Variants in YAP1 observed in about 807,000 individuals in gnomAD.
YAP1 encodes transcriptional coactivator YAP1.
In YAP1, 5 loss-of-function variants were observed where a neutral mutation model predicts 56.9. The observed-to-expected ratio is 0.09, with a 90% CI of 0.05 to 0.18. The LOEUF (loss-of-function observed/expected upper bound fraction) is 0.18, where lower values mean the gene tolerates loss of function less well. Among genes scored for constraint, YAP1 ranks in the 10% least tolerant of loss-of-function variants. The pLI is 1.00. For missense variants in YAP1, 539 were observed against 651.8 expected, an observed-to-expected ratio of 0.83 and a Z score of 1.88; for synonymous variants, 265 against 248.1, an observed-to-expected ratio of 1.07 and a Z score of -0.64.
At chr11:102,167,805 A>G (rs928682820) in intron 3 of YAP1, among the ~76,000 whole-genome samples, 3 of 152,214 alleles carry the variant, frequency 2.0e-5, no homozygotes, top group Non-Finnish European at 4.4e-5. Flanking sequence ...TGAGAAGCCA[A>G]GGTGGGAGGA....
At chr11:102,190,199 C>CT (rs1046727709) in intron 4 of YAP1, among the ~76,000 whole-genome samples, 1 of 152,182 alleles carries the variant, frequency 6.6e-6, no homozygotes, top group South Asian at 2.1e-4. Context: ...AGGTTTGAGG[C>CT]TTTTTTTCCC....
intron 4 of YAP1, among the ~76,000 whole-genome samples, chr11:102,199,222 G>A (rs1188747926): frequency 1.3e-5 from 2 of 152,142 alleles, no homozygotes; most frequent in Non-Finnish European, 2.9e-5. Context: ...CAGTATTGAT[G>A]GTACGGATGA....
Position 102,232,182 on chromosome 11 carries a change from G to C in YAP1, c.*2242G>C, listed in dbSNP as rs1950454260. 6.8e-6 allele frequency: 1 copy of C among 148,110 alleles called. No homozygotes were observed. Among genetic ancestry groups the C allele is most frequent in the African/African-American group, 2.5e-5 (1 of 40,140 alleles). 9.2% of individuals were successfully genotyped at this position (148,110 alleles called of 1,614,324 possible). A position where few individuals can be genotyped will look rare whatever the true frequency, so the allele number is the denominator to read the frequency against. On this transcript the variant is annotated 3_prime_UTR_variant, in exon 9 of 9. Coordinates refer to ENST00000282441, the MANE Select transcript of YAP1 (RefSeq NM_001130145.3). ...AATGTGCAGAAGATCAAAGCTACTT[G>C]GAAGGAGTGCCTATAATTTGCCAGT...
chr11:102,134,324 A>C (rs1408918679), intron 2 of YAP1, among the ~76,000 whole-genome samples: 1 of 152,080 alleles, frequency 6.6e-6, no homozygotes, highest in East Asian at 1.9e-4. Flanking sequence ...ATTTAGAAAT[A>C]TCAGGATGCT....
intron 2 of YAP1, among the ~76,000 whole-genome samples, chr11:102,154,824 A>G (rs1945850839): frequency 6.6e-6 from 1 of 152,222 alleles, no homozygotes; most frequent in Non-Finnish European, 1.5e-5. Context: ...GAAAACTTGA[A>G]TGTTGCCATA....
intron 3 of YAP1, among the ~76,000 whole-genome samples, chr11:102,183,574 C>A (rs1340358618): frequency 1.3e-5 from 2 of 151,848 alleles, no homozygotes; most frequent in African/African-American, 4.8e-5. Flanking sequence ...TGTGGCAGAC[C>A]CATCGGAGAG....
chr11:102,157,098 C>A (rs1945999526), intron 2 of YAP1, among the ~76,000 whole-genome samples: 1 of 152,164 alleles, frequency 6.6e-6, no homozygotes, highest in African/African-American at 2.4e-5. Context: ...TCATTAACAG[C>A]CTTCAGTGAT....
intron 2 of YAP1, among the ~76,000 whole-genome samples, chr11:102,143,696 A>G (rs994520979): frequency 4.6e-5 from 7 of 152,256 alleles, no homozygotes; most frequent in African/African-American, 1.7e-4. Flanking sequence ...GGAAGGCTAC[A>G]TAGCCATCTT....
rs1447148936 is a variant in YAP1 at position 102,206,026 on chromosome 11, G to A, written c.936G>A (p.Gln312=). 11 of 1,613,948 alleles carry A rather than the reference G, an allele frequency of 6.8e-6. No homozygotes were observed. The highest frequency in any genetic ancestry group is 2.7e-5 in the African/African-American group (2 of 74,944). ...AACAGATGCGACTGCAGCAACTGCA[G>A]ATGGAGAAGGAGAGGCTGCGGCTGA... is the stretch of plus-strand genomic sequence containing the variant. The part of the protein sequence containing the change: ...QQQQMRLQQL[Q]MEKERLRLKQ... The change falls in exon 5 of 9, where the codon CAG becomes CAA. Residue 312 remains glutamine (Q), a synonymous_variant. Transcript: ENST00000282441.
chr11:102,182,196 A>G (rs1220253233), intron 3 of YAP1, among the ~76,000 whole-genome samples: 4 of 152,334 alleles, frequency 2.6e-5, no homozygotes, highest in Non-Finnish European at 4.4e-5. Flanking sequence ...TGCTGAATCA[A>G]AAAGTATAGG....
At position 102,164,508 on chromosome 11, in the gene YAP1, C is replaced by G. The variant is rs151261893; in HGVS notation, c.688+1937C>G. ...TTGTCATGCTCCATCTAAAAATTAT[C>G]TCGGCAGTTAATGACAGATAACATT... is the stretch of plus-strand genomic sequence containing the variant. On this transcript the variant is annotated intron_variant, in intron 3 of 8. Coordinates refer to ENST00000282441, the MANE Select transcript of YAP1 (RefSeq NM_001130145.3). 8.0e-3 allele frequency among the ~76,000 whole-genome samples: 1,212 copies of G among 152,262 alleles called. 19 individuals are homozygous for G. Among genetic ancestry groups the G allele is most frequent in the African/African-American group, 0.028 (1,166 of 41,550 alleles).
At chr11:102,114,443 T>A in intron 2 of YAP1, 49 bp downstream of exon 2, 9 of 1,585,424 alleles carry the variant, frequency 5.7e-6, no homozygotes, top group Non-Finnish European at 7.8e-6. Context: ...AAATATGTAT[T>A]GGAAAACACA....
At chr11:102,206,175 T>G in intron 5 of YAP1, 101 bp downstream of exon 5, 1 of 1,414,992 alleles carries the variant, frequency 7.1e-7, no homozygotes, top group Non-Finnish European at 9.6e-7. Flanking sequence ...AGAGGAATGT[T>G]GTCTTTGTAA....
chr11:102,114,040 T>G, intron 1 of YAP1, 104 bp from the exon 2 acceptor site: 1 of 1,252,012 alleles, frequency 8.0e-7, no homozygotes, highest in South Asian at 2.1e-5. Context: ...AATTTTCCTT[T>G]GGTACTTAGA....
intron 2 of YAP1, among the ~76,000 whole-genome samples, chr11:102,150,429 G>A (rs1038215264): frequency 2.0e-5 from 3 of 152,134 alleles, no homozygotes; most frequent in Non-Finnish European, 2.9e-5. Flanking sequence ...AAGTGATGAC[G>A]TAGTGCTTAG....
At chr11:102,143,440 A>C (rs191008269) in intron 2 of YAP1, among the ~76,000 whole-genome samples, 1 of 152,324 alleles carries the variant, frequency 6.6e-6, no homozygotes, top group Non-Finnish European at 1.5e-5. Context: ...ATACTTTTTC[A>C]TATCATCAAA....
chr11:102,114,319 A>C lies in YAP1; in HGVS notation c.497A>C (p.Glu166Ala). The C allele has an allele frequency of 2.5e-6, 4 of 1,614,154 alleles. No individual in the cohort carries two copies. Among genetic ancestry groups the C allele is most frequent in the Non-Finnish European group, 3.4e-6 (4 of 1,180,014 alleles). ...CAGCATCTTCGACAGTCTTCTTTTG[A>C]GATACCTGATGATGTACCTCTGCCA... is the stretch of plus-strand genomic sequence containing the variant. ...TAQHLRQSSFEIPDDVPLPAG... is the reference protein window; with the variant it reads ...TAQHLRQSSFAIPDDVPLPAG... The change falls in exon 2 of 9, where the codon GAG becomes GCG. Residue 166 changes from glutamate (E) to alanine (A), a missense_variant. Glu to Ala is a moderately radical substitution (Grantham distance 107). Around this residue, in one of 4 missense-constraint regions of YAP1, gnomAD observed 414 missense variants for 512.4 expected, o/e 0.81. Transcript: ENST00000282441.
At chr11:102,142,547 T>G (rs1465140399) in intron 2 of YAP1, among the ~76,000 whole-genome samples, 1 of 152,234 alleles carries the variant, frequency 6.6e-6, no homozygotes, top group Non-Finnish European at 1.5e-5. Flanking sequence ...GGAAGAGCTA[T>G]TCATTGATGT....
At chr11:102,161,710 A>G (rs1424625986) in intron 2 of YAP1, among the ~76,000 whole-genome samples, 2 of 152,212 alleles carry the variant, frequency 1.3e-5, no homozygotes, top group Non-Finnish European at 2.9e-5. Flanking sequence ...AAACTTTGCT[A>G]CAAGAAAACT....
Sources: allele counts gnomAD v4.1 joint callset (sites outside exome capture counted in the v4.1 genomes callset), GRCh38; gene constraint gnomAD v4.1.1; regional missense constraint gnomAD v4.1.1; transcripts MANE v1.5; gene names NCBI Gene and HGNC (gene_info 2026-07-23, HGNC 2026-07-21).